MED20: variants seen among roughly 807,000 people sequenced by gnomAD.
MED20 encodes mediator of RNA polymerase II transcription subunit 20.
A neutral mutation model predicts 19.7 loss-of-function variants in MED20; 19 were observed. That is an observed-to-expected ratio of 0.96 (90% confidence interval 0.67 to 1.42). The LOEUF (loss-of-function observed/expected upper bound fraction) is 1.42. Among genes scored for constraint, MED20 ranks in the 40% most tolerant of loss-of-function variants. The pLI, the probability that MED20 is intolerant of heterozygous loss-of-function variation, is 0.00. For synonymous variants in MED20, 105 were observed against 104.8 expected, an observed-to-expected ratio of 1.00 and a Z score of -0.01; for missense variants, 225 against 273.0, an observed-to-expected ratio of 0.82 and a Z score of 1.24.
chr6:41,906,180 G>A lies in MED20; in HGVS notation c.*892C>T, dbSNP rs927058560. 1 of 152,218 alleles carries A rather than the reference G, an allele frequency of 6.6e-6. No individual in the cohort carries two copies. Among genetic ancestry groups the A allele is most frequent in the Non-Finnish European group, 1.5e-5 (1 of 68,058 alleles). 9.4% of individuals were successfully genotyped at this position (152,218 alleles called of 1,614,324 possible). A position where few individuals can be genotyped will look rare whatever the true frequency, so the allele number is the denominator to read the frequency against. On this transcript the variant is annotated 3_prime_UTR_variant, in exon 4 of 4. Coordinates refer to ENST00000265350, the MANE Select transcript of MED20 (RefSeq NM_004275.5). ...GTCCCAGCATCTCTTTCAGCAAAGTGTGGCCACAGTGATCTGAGCAATGCT... is the reference window on the plus strand; with the variant it reads ...GTCCCAGCATCTCTTTCAGCAAAGTATGGCCACAGTGATCTGAGCAATGCT...
intron 1 of MED20, among the ~76,000 whole-genome samples, chr6:41,918,655 T>C (rs1282506589): frequency 7.4e-6 from 1 of 134,470 alleles, no homozygotes; most frequent in Non-Finnish European, 1.6e-5. Context: ...CTACCAAAAA[T>C]ACAAAAAAAT....
At chr6:41,917,600 G>T (rs1256835254) in intron 1 of MED20, 4 of 365,180 alleles carry the variant, frequency 1.1e-5, no homozygotes, top group South Asian at 7.9e-5. Flanking sequence ...ACAGTTCTCA[G>T]GATTCTCGCA....
chr6:41,912,735 TC>T (rs1161250486), intron 2 of MED20, among the ~76,000 whole-genome samples: 1 of 152,078 alleles, frequency 6.6e-6, no homozygotes, highest in Admixed American at 6.6e-5. Flanking sequence ...AGGTTTACTA[TC>T]CCCTTTCTAA....
chr6:41,907,002 C>G lies in MED20; in HGVS notation c.*70G>C. 1.4e-6 allele frequency: 2 copies of G among 1,455,268 alleles called. No individual in the cohort carries two copies. Among genetic ancestry groups the G allele is most frequent in the South Asian group, 2.4e-5 (2 of 83,962 alleles). The allele number at this position is 1,455,268 out of a possible 1,614,324, so 90.1% of individuals were successfully genotyped here. A position where few individuals can be genotyped will look rare whatever the true frequency, so the allele number is the denominator to read the frequency against. On this transcript the variant is annotated 3_prime_UTR_variant, in exon 4 of 4. Coordinates refer to ENST00000265350, the MANE Select transcript of MED20 (RefSeq NM_004275.5). ...CCCTGGGTTTCTGGGGTCCAGGGAC[C>G]TGAAAGTCAGCACCTGCTCCTCCTG...
intron 2 of MED20, 75 bp from the exon 3 acceptor site, chr6:41,909,597 C>G: frequency 6.4e-7 from 1 of 1,568,822 alleles, no homozygotes. Context: ...AATGACTCCC[C>G]CCGGAATGAG....
chr6:41,909,285 C>T lies in MED20; in HGVS notation c.407G>A (p.Arg136Gln), dbSNP rs530416677. The T allele has an allele frequency of 5.0e-6, 8 of 1,614,140 alleles. No individual in the cohort carries two copies. In the Admixed American group the frequency reaches 5.0e-5, roughly 10 times the overall value. ...VGTVTMGPSA[R>Q]GISVEVEYGP... is the part of the protein sequence containing the mutation. Reference sequence around the variant, plus strand: ...AGGTCTTACCTCCACAGAGATGCCCCGGGCACTGGGCCCCATTGTGACCGT... The same window carrying T: ...AGGTCTTACCTCCACAGAGATGCCCTGGGCACTGGGCCCCATTGTGACCGT... The change falls in exon 3 of 4, where the codon CGG becomes CAG. Residue 136 changes from arginine to glutamine, a missense_variant. By Grantham distance (43) the Arg-to-Gln change is conservative. Coordinates refer to ENST00000265350, the MANE Select transcript of MED20 (RefSeq NM_004275.5).
intron 2 of MED20, among the ~76,000 whole-genome samples, chr6:41,913,674 C>T (rs954425834): frequency 7.2e-5 from 11 of 152,022 alleles, no homozygotes; most frequent in South Asian, 2.1e-4. Context: ...CCAAGGTGGG[C>T]GGATCACAAG....
chr6:41,920,482 T>C (rs1775432822), intron 1 of MED20, among the ~76,000 whole-genome samples: 1 of 152,090 alleles, frequency 6.6e-6, no homozygotes, highest in African/African-American at 2.4e-5. Context: ...CTGCAGGCAG[T>C]ACTATGGCCT....
In MED20 at chr6:41,909,179, A is replaced by C. The variant is rs1775127046; in HGVS notation, c.423+90T>G. The C allele has an allele frequency of 4.6e-6, 7 of 1,511,738 alleles. No individual in the cohort carries two copies. The Admixed American group carries it at 1.3e-4, about 28-fold the overall frequency. The allele number at this position is 1,511,738 out of a possible 1,614,324, so 93.6% of individuals were successfully genotyped here. A position where few individuals can be genotyped will look rare whatever the true frequency, so the allele number is the denominator to read the frequency against. On this transcript the variant is annotated intron_variant, in intron 3 of 3. Coordinates refer to ENST00000265350, the MANE Select transcript of MED20 (RefSeq NM_004275.5). ...ACAGAACAAGACTCTGTCTCAAAAA[A>C]AAAAAAAGAGAAGAACTGGAAAATC...
chr6:41,907,240 C>A lies in MED20; in HGVS notation c.471G>T (p.Leu157=), dbSNP rs1266832893. The change falls in exon 4 of 4, where the codon CTG becomes CTT. Residue 157 remains leucine, a synonymous_variant. Transcript: ENST00000265350. ...CTAGAAAACTCTGTAGGAACTCGAG[C>A]AGCAGACTCCAGCAGTCACTAGCTA... The part of the protein sequence containing the change: ...CVVASDCWSL[L]LEFLQSFLGS... The A allele has an allele frequency of 8.7e-6, 14 of 1,613,946 alleles. No homozygotes were observed. Among genetic ancestry groups the A allele is most frequent in the Non-Finnish European group, 1.2e-5 (14 of 1,179,990 alleles).
At chr6:41,909,599 C>T (rs1035421825) in intron 2 of MED20, 77 bp from the exon 3 acceptor site, 12 of 1,565,992 alleles carry the variant, frequency 7.7e-6, no homozygotes, top group African/African-American at 2.7e-5. Context: ...TGACTCCCCC[C>T]GGAATGAGGC....
intron 2 of MED20, 56 bp from the exon 3 acceptor site, chr6:41,909,578 G>A: frequency 1.3e-6 from 2 of 1,590,568 alleles, no homozygotes; most frequent in Non-Finnish European, 1.7e-6. Flanking sequence ...AAACCCCAGA[G>A]TAGAGTCAAA....
In MED20 at chr6:41,920,285, C is replaced by T. The variant is rs1775426389; in HGVS notation, c.14+720G>A. On this transcript the variant is annotated intron_variant, in intron 1 of 3. Coordinates refer to ENST00000265350, the MANE Select transcript of MED20 (RefSeq NM_004275.5). ...TATCAATACCCTTTTTTCCTCTAGACCCAAGATCTTAAAATGAGCAAATTA... is the reference window on the plus strand; with the variant it reads ...TATCAATACCCTTTTTTCCTCTAGATCCAAGATCTTAAAATGAGCAAATTA... 5.9e-5 allele frequency among the ~76,000 whole-genome samples: 9 copies of T among 152,184 alleles called. No individual in the cohort carries two copies. The South Asian group carries it at 1.9e-3, about 32-fold the overall frequency.
chr6:41,912,699 T>C (rs1775227064), intron 2 of MED20, among the ~76,000 whole-genome samples: 1 of 152,108 alleles, frequency 6.6e-6, no homozygotes, highest in East Asian at 1.9e-4. Context: ...TTCATGTCTG[T>C]ACCACCTTGT....
chr6:41,909,226 G>A (rs1453662315), intron 3 of MED20, 43 bp downstream of exon 3: 12 of 1,584,998 alleles, frequency 7.6e-6, no homozygotes, highest in Non-Finnish European at 1.0e-5. Context: ...TTGCTAAGCA[G>A]CCCCCTCAGA....
rs140272550 is a variant in MED20 at position 41,907,076 on chromosome 6, C to T, written c.635G>A (p.Arg212His). The T allele has an allele frequency of 1.4e-5, 23 of 1,613,058 alleles. No homozygotes were observed. In the South Asian group the frequency reaches 1.4e-4, roughly 10 times the overall value. The change falls in exon 4 of 4, where the codon CGT becomes CAT. Residue 212 changes from arginine (R) to histidine (H), a missense_variant. By Grantham distance (29) the Arg-to-His change is conservative. Coordinates refer to ENST00000265350, the MANE Select transcript of MED20 (RefSeq NM_004275.5). The part of the protein sequence containing the change: ...KQQQVPVAGI[R>H] ...TCAGCTGGCAGCTGCTCATCACTAA[C>T]GAATCCCAGCCACCGGCACCTGCTG...
At chr6:41,907,650 G>A (rs1775089790) in intron 3 of MED20, among the ~76,000 whole-genome samples, 1 of 152,112 alleles carries the variant, frequency 6.6e-6, no homozygotes, top group African/African-American at 2.4e-5. Flanking sequence ...GAAAGAGAAG[G>A]AAAATGTGTG....
intron 1 of MED20, chr6:41,917,969 G>A (rs1039095306): frequency 5.4e-5 from 15 of 278,448 alleles, no homozygotes; most frequent in Admixed American, 5.3e-4. Flanking sequence ...TTGGGAATGA[G>A]AGGCAACAGT....
chr6:41,916,535 G>T (rs1243628381), intron 2 of MED20, among the ~76,000 whole-genome samples: 1 of 150,870 alleles, frequency 6.6e-6, no homozygotes, highest in Non-Finnish European at 1.5e-5. Flanking sequence ...AGCTGAGATC[G>T]CACCATTGCA....
Sources: allele counts gnomAD v4.1 joint callset (sites outside exome capture counted in the v4.1 genomes callset), GRCh38; gene constraint gnomAD v4.1.1; transcripts MANE v1.5; gene names NCBI Gene and HGNC (gene_info 2026-07-23, HGNC 2026-07-21).